Variants in BAIAP3 observed in about 807,000 individuals in gnomAD.
The protein encoded by BAIAP3 is BAI1 associated protein 3.
BAIAP3 carries 180 observed loss-of-function variants against 149.7 expected under a neutral mutation model. The ratio of observed to expected loss-of-function variants is 1.20; its 90% CI spans 1.07 to 1.36. The LOEUF is 1.36. BAIAP3 is among the 40% of genes most tolerant of loss of function. The pLI is 0.00. For synonymous variants in BAIAP3, 845 were observed against 670.7 expected, an observed-to-expected ratio of 1.26 and a Z score of -4.02; for missense variants, 1,767 against 1,563.4, an observed-to-expected ratio of 1.13 and a Z score of -2.20.
In BAIAP3 at chr16:1,345,111, G is replaced by A. The variant is rs565842729; in HGVS notation, c.1940+12G>A. On this transcript the variant is annotated intron_variant, in intron 21 of 33. Transcript: ENST00000426824. ...AGCATCCCTGGCCGGTGGGTGCCCC[G>A]TCCCTATCTCTTGCAGACAGACTTT... 2.8e-5 allele frequency: 45 copies of A among 1,612,368 alleles called. No individual in the cohort carries two copies. In the East Asian group the frequency reaches 7.4e-4, roughly 26 times the overall value.
At position 1,339,179 on chromosome 16, in the gene BAIAP3, G is replaced by C; in HGVS notation, c.235G>C (p.Gly79Arg). ...LPCLEVPLRSGSPAPPEPVDP... is the reference protein window; with the variant it reads ...LPCLEVPLRSRSPAPPEPVDP... ...CCACACACAGGTCCCCCTGCGCAGT[G>C]GCTCGCCAGCACCCCCGGAGCCTGT... The change falls in exon 4 of 34, where the codon GGC (glycine) becomes CGC (arginine). Residue 79 changes from glycine to arginine, a missense_variant. Coordinates refer to ENST00000426824, the MANE Select transcript of BAIAP3 (RefSeq NM_001199097.2). The C allele has an allele frequency of 3.2e-6, 5 of 1,566,802 alleles. No individual in the cohort carries two copies. Among genetic ancestry groups the C allele is most frequent in the Non-Finnish European group, 4.3e-6 (5 of 1,157,482 alleles).
chr16:1,342,419 C>G (rs1197033447), intron 11 of BAIAP3, 108 bp from the exon 12 acceptor site: 2 of 1,370,926 alleles, frequency 1.5e-6, no homozygotes, highest in Non-Finnish European at 2.0e-6. Context: ...ACCCTCATTC[C>G]CCGGAGAAGG....
At chr16:1,342,682 G>A in intron 12 of BAIAP3, 37 bp from the exon 13 acceptor site, 2 of 1,611,148 alleles carry the variant, frequency 1.2e-6, no homozygotes, top group Non-Finnish European at 1.7e-6. Flanking sequence ...CTTGGGGCGG[G>A]GGCAGAGCTG....
chr16:1,339,208 T>A lies in BAIAP3; in HGVS notation c.264T>A (p.Asp88Glu). 1 of 1,565,434 alleles carries A rather than the reference T, an allele frequency of 6.4e-7. No individual in the cohort carries two copies. The highest frequency in any genetic ancestry group is 8.6e-7 in the Non-Finnish European group (1 of 1,157,344). ...CGCCAGCACCCCCGGAGCCTGTGGA[T>A]CCCAGCCTCGGCCTGAGAGCCCTGG... ...SGSPAPPEPVDPSLGLRALAP... is the reference protein window; with the variant it reads ...SGSPAPPEPVEPSLGLRALAP... Residue 88 changes from aspartate (D) to glutamate (E), a missense_variant, in exon 4 of 34, where the codon GAT becomes GAA. Asp to Glu is a conservative substitution (Grantham distance 45, BLOSUM62 2). Transcript: ENST00000426824.
Position 1,339,259 on chromosome 16 carries a change from C to A in BAIAP3, c.300+15C>A. The A allele has an allele frequency of 6.4e-7, 1 of 1,556,360 alleles. No individual in the cohort carries two copies. ...CCCCAGAGGAGGTAAAGGTGGGGGTCGGAACCAGGGGCAGTCGTCTGCAGC... is the reference window on the plus strand; with the variant it reads ...CCCCAGAGGAGGTAAAGGTGGGGGTAGGAACCAGGGGCAGTCGTCTGCAGC... On this transcript the variant is annotated intron_variant, in intron 4 of 33. Coordinates refer to ENST00000426824, the MANE Select transcript of BAIAP3 (RefSeq NM_001199097.2).
intron 15 of BAIAP3, 48 bp downstream of exon 15, chr16:1,343,561 G>A (rs773266559): frequency 6.3e-7 from 1 of 1,595,542 alleles, no homozygotes; most frequent in Non-Finnish European, 8.5e-7. Flanking sequence ...AGGGAGTGCT[G>A]GGGACTGGGG....
chr16:1,342,008 C>T lies in BAIAP3; in HGVS notation c.799C>T (p.Leu267=), dbSNP rs766521449. The T allele has an allele frequency of 1.1e-5, 18 of 1,605,480 alleles. No homozygotes were observed. Among genetic ancestry groups the T allele is most frequent in the Middle Eastern group, 1.7e-4 (1 of 6,014 alleles). Residue 267 remains leucine, a synonymous_variant, in exon 10 of 34, where the codon CTG becomes TTG. Coordinates refer to ENST00000426824, the MANE Select transcript of BAIAP3 (RefSeq NM_001199097.2). ...DIWDHDDDVS[L]VEACRKLNEV... is the part of the protein sequence containing the mutation. ...CAGGGATCATGACGACGATGTATCC[C>T]TGGTAGAAGCGTGCAGGAAGCTGAA...
At position 1,346,564 on chromosome 16, in the gene BAIAP3, G is replaced by C. The variant is rs369696559; in HGVS notation, c.2563-41G>C. On this transcript the variant is annotated intron_variant, in intron 26 of 33. Coordinates refer to ENST00000426824, the MANE Select transcript of BAIAP3 (RefSeq NM_001199097.2). Reference sequence around the variant, plus strand: ...GACTGTGTGTACTGGGGGTAGGGCAGAGGTGCGGGGTAAGCCTGGCCTGAC... The same window carrying C: ...GACTGTGTGTACTGGGGGTAGGGCACAGGTGCGGGGTAAGCCTGGCCTGAC... The C allele has an allele frequency of 2.5e-6, 4 of 1,575,198 alleles. No individual in the cohort carries two copies. The African/African-American group carries it at 5.4e-5, about 21-fold the overall frequency.
intron 8 of BAIAP3, 29 bp downstream of exon 8, chr16:1,341,518 AG>A (rs1170242288): frequency 6.9e-6 from 11 of 1,589,836 alleles, no homozygotes; most frequent in Admixed American, 5.1e-5. Context: ...TGGGTGCGGG[AG>A]GGGGGCTCTG....
rs371978318 is a variant in BAIAP3 at position 1,344,080 on chromosome 16, G to C, written c.1445G>C (p.Arg482Pro). 1 of 1,611,976 alleles carries C rather than the reference G, an allele frequency of 6.2e-7. No homozygotes were observed. The highest frequency in any genetic ancestry group is 8.5e-7 in the Non-Finnish European group (1 of 1,179,908). Residue 482 changes from arginine (R) to proline (P), a missense_variant, in exon 16 of 34, where the codon CGC (arginine) becomes CCC (proline). Arg to Pro is a moderately radical substitution (Grantham distance 103). Transcript: ENST00000426824. ...AFSEFGLQLL[R>P]QLRDYFPATN... is the part of the protein sequence containing the mutation. ...TCTGAGTTCGGGCTGCAGCTGCTGC[G>C]CCAGCTCCGAGACTACTTCCCTGCC...
Position 1,345,995 on chromosome 16 carries a change from G to C in BAIAP3, c.2218G>C (p.Glu740Gln), listed in dbSNP as rs767536225. Residue 740 changes from glutamate to glutamine, a missense_variant, in exon 24 of 34, where the codon GAG (glutamate) becomes CAG (glutamine). By Grantham distance (29) the Glu-to-Gln change is conservative. Coordinates refer to ENST00000426824, the MANE Select transcript of BAIAP3 (RefSeq NM_001199097.2). Reference protein sequence around the residue: ...LGTQLGQDVCEATLFYTELLR... With the variant: ...LGTQLGQDVCQATLFYTELLR... ...GCCATCCCCTCCTCAGGACGTGTGT[G>C]AGGCCACCCTCTTCTATACGGAGCT... The C allele has an allele frequency of 5.6e-6, 9 of 1,607,822 alleles. No homozygotes were observed. The highest frequency in any genetic ancestry group is 6.8e-6 in the Non-Finnish European group (8 of 1,177,276).
chr16:1,343,311 A>C, intron 14 of BAIAP3, 82 bp from the exon 15 acceptor site: 1 of 1,517,918 alleles, frequency 6.6e-7, no homozygotes, highest in Non-Finnish European at 8.9e-7. Context: ...GGGGCAGAGA[A>C]AGGGGTAGTG....
At chr16:1,333,853 C>G (rs1031346068) in intron 1 of BAIAP3, 104 bp downstream of exon 1, 12 of 152,178 alleles carry the variant, frequency 7.9e-5, no homozygotes, top group African/African-American at 2.4e-4. Flanking sequence ...TGGTCCGGGT[C>G]CCCCAGGAGG....
chr16:1,343,599 G>A (rs2034089130), intron 15 of BAIAP3, 86 bp downstream of exon 15: 1 of 1,542,276 alleles, frequency 6.5e-7, no homozygotes, highest in Admixed American at 1.9e-5. Context: ...GCGAGGGGCA[G>A]AGTCCTGCCC....
chr16:1,337,241 G>A (rs929691195), intron 1 of BAIAP3, among the ~76,000 whole-genome samples: 6 of 152,194 alleles, frequency 3.9e-5, no homozygotes, highest in Admixed American at 2.0e-4. Flanking sequence ...TGGGCTGGGC[G>A]GTGCTGGCTC....
chr16:1,339,386 T>C lies in BAIAP3; in HGVS notation c.301-110T>C, dbSNP rs1443886230. On this transcript the variant is annotated intron_variant, in intron 4 of 33. Coordinates refer to ENST00000426824, the MANE Select transcript of BAIAP3 (RefSeq NM_001199097.2). The stretch of plus-strand genomic sequence containing the variant: ...GTGGGTGAGTGAGGAGCGGAGGGGC[T>C]CCTGGTGCAAAGAGGCAGAGGTGGG... 18 of 1,475,340 alleles carry C rather than the reference T, an allele frequency of 1.2e-5. No homozygotes were observed. The Middle Eastern group carries it at 7.0e-4, about 57-fold the overall frequency. The allele number at this position is 1,475,340 out of a possible 1,614,324, so 91.4% of individuals were successfully genotyped here.
Position 1,342,643 on chromosome 16 carries a change from A to C in BAIAP3, c.1065+9A>C. 1 of 1,596,108 alleles carries C rather than the reference A, an allele frequency of 6.3e-7. No individual in the cohort carries two copies. The highest frequency in any genetic ancestry group is 8.5e-7 in the Non-Finnish European group (1 of 1,172,108). On this transcript the variant is annotated intron_variant, in intron 12 of 33. Coordinates refer to ENST00000426824, the MANE Select transcript of BAIAP3 (RefSeq NM_001199097.2). ...AGCTGATCACTACGCAGGTGGGGAA[A>C]GTGGGCGTCCCCGTCCTCCACCCCC...
Position 1,342,945 on chromosome 16 carries a change from CA to C in BAIAP3, c.1195del (p.Thr399HisfsTer105). ...NSSSWRGELS[T>X]PAATILCLHG... is the part of the protein sequence containing the mutation. Reference sequence around the variant, plus strand: ...CCAGCAGCTGGCGAGGAGAGCTCAGCACACCAGCCGCCACCATCCTCTGCCT... The same window carrying C: ...CCAGCAGCTGGCGAGGAGAGCTCAGCCACCAGCCGCCACCATCCTCTGCCT... On this transcript the variant is annotated frameshift_variant, in exon 14 of 34. Transcript: ENST00000426824. LOFTEE classifies it high-confidence loss of function. The C allele has an allele frequency of 6.2e-7, 1 of 1,612,160 alleles. No homozygotes were observed. The highest frequency in any genetic ancestry group is 1.1e-5 in the South Asian group (1 of 91,084).
In BAIAP3 at chr16:1,349,032, G is replaced by A. The variant is rs2034578928; in HGVS notation, c.*550G>A. 2 of 286,548 alleles carry A rather than the reference G, an allele frequency of 7.0e-6. No homozygotes were observed. Among genetic ancestry groups the A allele is most frequent in the South Asian group, 7.5e-5 (2 of 26,790 alleles). 17.8% of individuals were successfully genotyped at this position (286,548 alleles called of 1,614,324 possible). On this transcript the variant is annotated 3_prime_UTR_variant, in exon 34 of 34. Transcript: ENST00000426824. Reference sequence around the variant, plus strand: ...AGTCCCCACGGGGCTCCCAGGCCGGGGAAAGGTTCCCCTGAGGTCACTCTG... The same window carrying A: ...AGTCCCCACGGGGCTCCCAGGCCGGAGAAAGGTTCCCCTGAGGTCACTCTG...
Sources: gnomAD v4.1 joint callset for allele counts (sites outside exome capture counted in the v4.1 genomes callset) on GRCh38, gnomAD v4.1.1 for gene constraint, MANE v1.5 for transcripts, NCBI Gene and HGNC (gene_info 2026-07-23, HGNC 2026-07-21) for gene names.